Variants in COG2 observed in about 807,000 individuals in gnomAD.
COG2 encodes the protein component of oligomeric golgi complex 2.
A neutral mutation model predicts 90.6 loss-of-function variants in COG2; 52 were observed. That is an observed-to-expected ratio of 0.57 (90% CI 0.46 to 0.72). The LOEUF (loss-of-function observed/expected upper bound fraction) is 0.72, where lower values mean the gene tolerates loss of function less well. Ranked by LOEUF, COG2 falls within the 30% of genes least tolerant of loss-of-function variation. COG2 has a pLI of 0.00. For synonymous variants in COG2, 337 were observed against 320.4 expected (o/e 1.05, Z -0.55); for missense variants, 829 against 891.2 (o/e 0.93, Z 0.89).
intron 9 of COG2, among the ~76,000 whole-genome samples, chr1:230,677,382 C>G (rs1662625309): frequency 6.6e-6 from 1 of 152,106 alleles, no homozygotes; most frequent in African/African-American, 2.4e-5. Context: ...AGCCTGGGGC[C>G]CAGCAGGTTT....
chr1:230,688,113 A>G lies in COG2; in HGVS notation c.1621A>G (p.Ile541Val). 1 of 1,600,536 alleles carries G rather than the reference A, an allele frequency of 6.2e-7. No homozygotes were observed. The highest frequency in any genetic ancestry group is 1.2e-5 in the South Asian group (1 of 86,698). ...LEIIKPKLEM[I>V]GFKNFSSISA... ...AATAATCAAGCCAAAACTTGAAATG[A>G]TTGGCTTTAAGAATTTTTCTTCTAT... Residue 541 changes from isoleucine to valine, a missense_variant, in exon 14 of 18, where the codon ATT (isoleucine) becomes GTT (valine). Transcript: ENST00000366669.
chr1:230,653,783 G>A (rs191128469), intron 1 of COG2, among the ~76,000 whole-genome samples: 1 of 152,198 alleles, frequency 6.6e-6, no homozygotes, highest in African/African-American at 2.4e-5. Context: ...GTCAAAATGG[G>A]GTGTAGGGCA....
chr1:230,687,930 C>T, intron 13 of COG2, 141 bp from the exon 14 acceptor site: 2 of 611,464 alleles, frequency 3.3e-6, no homozygotes, highest in Non-Finnish European at 5.7e-6. Flanking sequence ...TGTTTCTTTC[C>T]TTTGATGAAA....
At chr1:230,691,348 G>GC (rs1378751626) in intron 16 of COG2, 36 bp from the exon 17 acceptor site, 1 of 1,545,872 alleles carries the variant, frequency 6.5e-7, no homozygotes, top group African/African-American at 1.4e-5. Context: ...ACACACAAAT[G>GC]CCTCTTTTCA....
Position 230,642,509 on chromosome 1 carries a change from C to G in COG2, c.-98C>G. 4 of 1,212,652 alleles carry G rather than the reference C, an allele frequency of 3.3e-6. No homozygotes were observed. The highest frequency in any genetic ancestry group is 4.7e-6 in the Non-Finnish European group (4 of 846,374). 75.1% of individuals were successfully genotyped at this position (1,212,652 alleles called of 1,614,324 possible). A position where few individuals can be genotyped will look rare whatever the true frequency, so the allele number is the denominator to read the frequency against. Reference sequence around the variant, plus strand: ...TTGGCGGAAGCGGACCCCCCTGTGCCGTGGAAACTGGCGGTGGCCGCGGCC... The same window carrying G: ...TTGGCGGAAGCGGACCCCCCTGTGCGGTGGAAACTGGCGGTGGCCGCGGCC... On this transcript the variant is annotated 5_prime_UTR_variant, in exon 1 of 18. Coordinates refer to ENST00000366669, the MANE Select transcript of COG2 (RefSeq NM_007357.3).
chr1:230,651,992 T>G (rs1374740252), intron 1 of COG2, among the ~76,000 whole-genome samples: 2 of 152,202 alleles, frequency 1.3e-5, no homozygotes, highest in African/African-American at 4.8e-5. Flanking sequence ...TTTGTTACAA[T>G]TGATGAACCA....
intron 5 of COG2, among the ~76,000 whole-genome samples, chr1:230,665,312 A>G (rs1662294003): frequency 6.6e-6 from 1 of 152,204 alleles, no homozygotes; most frequent in Non-Finnish European, 1.5e-5. Context: ...CTCCACTTGC[A>G]GGATTGGTAG....
intron 1 of COG2, among the ~76,000 whole-genome samples, chr1:230,650,247 T>G (rs970595694): frequency 6.6e-6 from 1 of 152,208 alleles, no homozygotes; most frequent in Non-Finnish European, 1.5e-5. Context: ...GATTACTAGG[T>G]CAAATGGTAG....
At chr1:230,688,623 G>GAGGAAGGA in intron 15 of COG2, 61 bp downstream of exon 15, 1 of 1,578,498 alleles carries the variant, frequency 6.3e-7, no homozygotes, top group South Asian at 1.1e-5. Flanking sequence ...GAAAGCCAAA[G>GAGGAAGGA]AGGAAGGAAG....
chr1:230,678,977 TAA>T lies in COG2; in HGVS notation c.1093_1094del (p.Lys365GlufsTer13). 3 of 1,613,628 alleles carry T rather than the reference TAA, an allele frequency of 1.9e-6. No homozygotes were observed. The highest frequency in any genetic ancestry group is 2.5e-6 in the Non-Finnish European group (3 of 1,179,700). Reference sequence around the variant, plus strand: ...CGGCAGTGTGGATCACAGGCTAGTGTAAAGAGATTAAGAGCCCATCCTGCCTA... The same window carrying T: ...CGGCAGTGTGGATCACAGGCTAGTGTAGAGATTAAGAGCCCATCCTGCCTA... On this transcript the variant is annotated frameshift_variant, in exon 10 of 18. Coordinates refer to ENST00000366669, the MANE Select transcript of COG2 (RefSeq NM_007357.3). LOFTEE classifies it high-confidence loss of function.
rs558470888 is a variant in COG2, at chr1:230,685,028, A to G, written c.1229-57A>G. 7.6e-6 allele frequency: 12 copies of G among 1,579,148 alleles called. No homozygotes were observed. In the Admixed American group the frequency reaches 1.4e-4, roughly 18 times the overall value. ...TACATCGGAAGTCTCACATTAGACT[A>G]TAGCCTAAAATTGCCTGAAATTCCT... is the stretch of plus-strand genomic sequence containing the variant. On this transcript the variant is annotated intron_variant, in intron 11 of 17. Coordinates refer to ENST00000366669, the MANE Select transcript of COG2 (RefSeq NM_007357.3).
intron 9 of COG2, among the ~76,000 whole-genome samples, chr1:230,675,615 GT>G (rs935910645): frequency 6.6e-6 from 1 of 151,886 alleles, no homozygotes; most frequent in African/African-American, 2.4e-5. Flanking sequence ...ATATTTATTT[GT>G]TTTTTTAATT....
intron 11 of COG2, 123 bp from the exon 12 acceptor site, chr1:230,684,962 A>G (rs1662849586): frequency 5.1e-6 from 6 of 1,165,710 alleles, no homozygotes; most frequent in East Asian, 2.4e-5. Flanking sequence ...TGCTGACCAC[A>G]TGGTTTTCTT....
In COG2 at chr1:230,690,165, A is replaced by G; in HGVS notation, c.1934+12A>G. Reference sequence around the variant, plus strand: ...GAAAGCACTCATAAGTAAGTAAATTAAAAGCAGACCTTGTGGGCCTTGCTT... The same window carrying G: ...GAAAGCACTCATAAGTAAGTAAATTGAAAGCAGACCTTGTGGGCCTTGCTT... On this transcript the variant is annotated intron_variant, in intron 16 of 17. Coordinates refer to ENST00000366669, the MANE Select transcript of COG2 (RefSeq NM_007357.3). The G allele has an allele frequency of 6.2e-7, 1 of 1,610,270 alleles. No individual in the cohort carries two copies. Among genetic ancestry groups the G allele is most frequent in the African/African-American group, 1.3e-5 (1 of 74,800 alleles).
chr1:230,667,676 T>C (rs1287864197), intron 5 of COG2, among the ~76,000 whole-genome samples: 1 of 152,228 alleles, frequency 6.6e-6, no homozygotes, highest in Non-Finnish European at 1.5e-5. Context: ...CCCTTTTTGG[T>C]TGGTCACACT....
chr1:230,660,522 A>C (rs1353502158), intron 2 of COG2, among the ~76,000 whole-genome samples: 1 of 152,154 alleles, frequency 6.6e-6, no homozygotes, highest in African/African-American at 2.4e-5. Flanking sequence ...GCTTTTATTT[A>C]TTATGACTTC....
chr1:230,662,223 GT>G (rs1346205115), intron 3 of COG2, among the ~76,000 whole-genome samples: 8 of 152,000 alleles, frequency 5.3e-5, no homozygotes, highest in Non-Finnish European at 1.0e-4. Context: ...TTCCTGATTG[GT>G]TTAGCCGTAG....
At chr1:230,664,907 G>C (rs1328994600) in intron 5 of COG2, among the ~76,000 whole-genome samples, 1 of 152,158 alleles carries the variant, frequency 6.6e-6, no homozygotes, top group Non-Finnish European at 1.5e-5. Flanking sequence ...TCAAGGTGTG[G>C]AATAGCAGTC....
chr1:230,691,064 A>C (rs907746549), intron 16 of COG2, among the ~76,000 whole-genome samples: 11 of 152,180 alleles, frequency 7.2e-5, no homozygotes, highest in African/African-American at 2.7e-4. Context: ...ATTGGTCTAT[A>C]GTTTTCTCCA....
Sources: allele counts gnomAD v4.1 joint callset (sites outside exome capture counted in the v4.1 genomes callset), GRCh38; gene constraint gnomAD v4.1.1; transcripts MANE v1.5; gene names NCBI Gene and HGNC (gene_info 2026-07-23, HGNC 2026-07-21).